RBFOX3: variants seen among roughly 807,000 people sequenced by gnomAD.
RBFOX3 encodes the protein RNA binding fox-1 homolog 3, also known as RNA binding protein fox-1 homolog 3.
In RBFOX3, 17 loss-of-function variants were observed where a neutral mutation model predicts 48.7. The observed-to-expected ratio is 0.35, with a 90% CI of 0.24 to 0.52. RBFOX3 has a LOEUF of 0.52. Ranked by LOEUF, RBFOX3 falls within the 20% of genes least tolerant of loss-of-function variation. The pLI is 0.94. For missense variants in RBFOX3, 382 were observed against 497.5 expected, an observed-to-expected ratio of 0.77 and a Z score of 2.21; for synonymous variants, 212 against 209.5, an observed-to-expected ratio of 1.01 and a Z score of -0.10.
intron 1 of RBFOX3, among the ~76,000 whole-genome samples, chr17:79,536,808 C>G (rs186553086): frequency 1.3e-5 from 2 of 152,260 alleles, no homozygotes; most frequent in Non-Finnish European, 2.9e-5. Flanking sequence ...GACATTTGGC[C>G]GGGTGCGGAG....
chr17:79,097,994 C>T (rs1489241591), intron 9 of RBFOX3: 2 of 540,068 alleles, frequency 3.7e-6, no homozygotes, highest in East Asian at 3.1e-5. Context: ...TCCTCCTCAG[C>T]CTGCCCCTGA....
chr17:79,138,086 C>T (rs780104707), intron 4 of RBFOX3, among the ~76,000 whole-genome samples: 8 of 152,194 alleles, frequency 5.3e-5, no homozygotes, highest in African/African-American at 9.7e-5. Context: ...GCGGACAAGG[C>T]ACGCTCGTGG....
chr17:79,348,597 T>TTTTTG (rs1491308543), intron 2 of RBFOX3, among the ~76,000 whole-genome samples: 1 of 113,806 alleles, frequency 8.8e-6, no homozygotes, highest in Non-Finnish European at 1.8e-5. Flanking sequence ...TTTTTTTTTT[T>TTTTTG]GAGACAGAGT....
At chr17:79,539,230 T>C (rs565872267) in intron 1 of RBFOX3, among the ~76,000 whole-genome samples, 23 of 152,242 alleles carry the variant, frequency 1.5e-4, no homozygotes, top group African/African-American at 5.3e-4. Context: ...CACATACCTG[T>C]AGTCCCAGCT....
intron 4 of RBFOX3, among the ~76,000 whole-genome samples, chr17:79,173,215 A>ATACATACATACATACATAC (rs1555730591): frequency 2.7e-4 from 24 of 87,794 alleles, no homozygotes; most frequent in African/African-American, 1.5e-3. Context: ...CAAATAAATA[A>ATACATACATACATACATAC]ATAAATACAT....
upstream of RBFOX3, among the ~76,000 whole-genome samples, chr17:79,613,817 T>C (rs2145594201): frequency 6.6e-6 from 1 of 152,194 alleles, no homozygotes; most frequent in South Asian, 2.1e-4. Context: ...CTACTAAAAA[T>C]AGCAAAACTA....
At position 79,362,998 on chromosome 17, in the gene RBFOX3, T is replaced by C. The variant is rs1358771966; in HGVS notation, c.-174-55174A>G. Among the ~76,000 whole-genome samples the C allele has an allele frequency of 2.0e-5, 3 of 152,134 alleles. No individual in the cohort carries two copies. Among genetic ancestry groups the C allele is most frequent in the African/African-American group, 7.2e-5 (3 of 41,420 alleles). On this transcript the variant is annotated intron_variant, in intron 2 of 14. Coordinates refer to ENST00000693108, the MANE Select transcript of RBFOX3 (RefSeq NM_001350451.2). The surrounding 1 kb of genome is among the most constrained non-coding windows in gnomAD (Gnocchi z 4.2). ...TTGGAGCGGGGTAAGCCCCAGAATA[T>C]CTCACAAGCCAGAGTACCTTCTCCA...
chr17:79,264,193 G>A (rs919697974), intron 3 of RBFOX3, among the ~76,000 whole-genome samples: 8 of 151,260 alleles, frequency 5.3e-5, no homozygotes, highest in Admixed American at 1.3e-4. Flanking sequence ...CTCATCCCTC[G>A]GCCTCCCAAG....
chr17:79,183,945 G>T (rs2052818229), intron 4 of RBFOX3, among the ~76,000 whole-genome samples: 1 of 152,208 alleles, frequency 6.6e-6, no homozygotes, highest in Admixed American at 6.5e-5. Flanking sequence ...CTGGCCTGGG[G>T]GGTCTGGAAT....
chr17:79,320,805 A>C (rs1478569444), intron 2 of RBFOX3, among the ~76,000 whole-genome samples: 1 of 152,154 alleles, frequency 6.6e-6, no homozygotes, highest in Non-Finnish European at 1.5e-5. Context: ...CACTGTTTGC[A>C]GCAAAAACAA....
chr17:79,305,904 C>G (rs985686236), intron 3 of RBFOX3, among the ~76,000 whole-genome samples: 1 of 152,204 alleles, frequency 6.6e-6, no homozygotes, highest in African/African-American at 2.4e-5. Context: ...GCTGACCTGC[C>G]GTAGCCTCTA....
chr17:79,094,867 A>C (rs1255972953), intron 13 of RBFOX3, among the ~76,000 whole-genome samples: 1 of 152,070 alleles, frequency 6.6e-6, no homozygotes, highest in Non-Finnish European at 1.5e-5. Context: ...CTTCCACCCC[A>C]AAAAGAATGT....
chr17:79,635,498 A>G, the RBFOX3 span, among the ~76,000 whole-genome samples: 32 of 152,330 alleles, frequency 2.1e-4, no homozygotes, highest in African/African-American at 7.5e-4. Flanking sequence ...AGAGAAAGTC[A>G]CTTTCACCAG....
chr17:79,304,335 T>C (rs1193390880), intron 3 of RBFOX3, among the ~76,000 whole-genome samples: 1 of 151,566 alleles, frequency 6.6e-6, no homozygotes, highest in Non-Finnish European at 1.5e-5. Flanking sequence ...AAAAAATATA[T>C]ATGTATATAT....
intron 3 of RBFOX3, among the ~76,000 whole-genome samples, chr17:79,301,817 C>A (rs564677031): frequency 2.7e-4 from 41 of 152,106 alleles, no homozygotes; most frequent in Non-Finnish European, 4.3e-4. Context: ...GTGAATGAGC[C>A]CCGAAGATCT....
chr17:79,440,157 A>G (rs1354698007), intron 2 of RBFOX3, among the ~76,000 whole-genome samples: 1 of 152,160 alleles, frequency 6.6e-6, no homozygotes, highest in Admixed American at 6.5e-5. Context: ...AGCCTTACCG[A>G]ACAGAGATAA....
chr17:79,571,134 T>C (rs1192760088), intron 1 of RBFOX3, among the ~76,000 whole-genome samples: 2 of 152,226 alleles, frequency 1.3e-5, no homozygotes, highest in African/African-American at 4.8e-5. Context: ...TTCTCATTAC[T>C]GGAATTTTAC....
At chr17:79,134,754 C>G (rs1057296294) in intron 4 of RBFOX3, among the ~76,000 whole-genome samples, 1 of 152,312 alleles carries the variant, frequency 6.6e-6, no homozygotes, top group Middle Eastern at 3.4e-3. Context: ...TTCCCCCCTG[C>G]GCCTGGGCCC....
chr17:79,343,302 G>A (rs1372771825), intron 2 of RBFOX3, among the ~76,000 whole-genome samples: 1 of 152,134 alleles, frequency 6.6e-6, no homozygotes, highest in Non-Finnish European at 1.5e-5. Context: ...TAGGAGGGTG[G>A]ATCACCTGAG....
Sources: allele counts gnomAD v4.1 joint callset (sites outside exome capture counted in the v4.1 genomes callset), GRCh38; gene constraint gnomAD v4.1.1; non-coding constraint Gnocchi (gnomAD v3.1); transcripts MANE v1.5; gene names NCBI Gene and HGNC (gene_info 2026-07-23, HGNC 2026-07-21).